GPRC5C: variants seen among roughly 807,000 people sequenced by gnomAD.
GPRC5C encodes the protein G protein-coupled receptor class C group 5 member C.
A neutral mutation model predicts 31.4 loss-of-function variants in GPRC5C; 22 were observed. That is an observed-to-expected ratio of 0.70 (90% confidence interval 0.50 to 1.00). The LOEUF (loss-of-function observed/expected upper bound fraction) is 1.00, where lower values mean the gene tolerates loss of function less well. GPRC5C is among the 50% of genes least tolerant of loss of function. GPRC5C has a pLI of 0.00. For synonymous variants in GPRC5C, 249 were observed against 257.5 expected (o/e 0.97, Z 0.32); for missense variants, 557 against 597.2 (o/e 0.93, Z 0.70).
At chr17:74,436,264 A>C (rs554692549) in intron 1 of GPRC5C, among the ~76,000 whole-genome samples, 3 of 152,012 alleles carry the variant, frequency 2.0e-5, no homozygotes, top group Non-Finnish European at 4.4e-5. Flanking sequence ...GATTCACACC[A>C]TCTTTTCTGC....
Position 74,446,906 on chromosome 17 carries a change from G to A in GPRC5C, c.1204G>A (p.Gly402Ser), listed in dbSNP as rs767174834. The A allele has an allele frequency of 1.2e-6, 2 of 1,614,008 alleles. No homozygotes were observed. The highest frequency in any genetic ancestry group is 2.2e-5 in the South Asian group (2 of 91,076). Residue 402 changes from glycine (G) to serine (S), a missense_variant, in exon 4 of 4, where the codon GGC becomes AGC. Transcript: ENST00000392627. The stretch of plus-strand genomic sequence containing the variant: ...GGCCACCGCCAACAGCCAGGTGATG[G>A]GCAGTGCCAACTCGACCCTGCGGGC... ...PRATANSQVM[G>S]SANSTLRAED...
rs372206048 is a variant in GPRC5C at position 74,440,158 on chromosome 17, G to A, written c.382G>A (p.Ala128Thr). The change falls in exon 2 of 4, where the codon GCC becomes ACC. Residue 128 changes from alanine (A) to threonine (T), a missense_variant. By Grantham distance (58) the Ala-to-Thr change is moderately conservative. Coordinates refer to ENST00000392627, the MANE Select transcript of GPRC5C (RefSeq NM_022036.4). The surrounding 1 kb of genome is among the most constrained non-coding windows in gnomAD (Gnocchi z 4.4). ...SRRFLFGVLF[A>T]ICFSCLAAHV... ...GCGCTTCCTCTTTGGGGTTCTGTTC[G>A]CCATCTGCTTCTCTTGTCTGGCGGC... is the stretch of plus-strand genomic sequence containing the variant. 4 of 1,614,130 alleles carry A rather than the reference G, an allele frequency of 2.5e-6. No individual in the cohort carries two copies. Among genetic ancestry groups the A allele is most frequent in the East Asian group, 2.2e-5 (1 of 44,874 alleles).
At chr17:74,448,373 T>G (rs1035542263), downstream of GPRC5C, among the ~76,000 whole-genome samples, 1 of 152,172 alleles carries the variant, frequency 6.6e-6, no homozygotes, top group African/African-American at 2.4e-5. Context: ...TTTTTTAATT[T>G]AATTTAATTT....
chr17:74,432,120 T>C lies in GPRC5C; in HGVS notation c.-54T>C. 6.2e-7 allele frequency: 1 copy of C among 1,613,210 alleles called. No individual in the cohort carries two copies. Among genetic ancestry groups the C allele is most frequent in the Non-Finnish European group, 8.5e-7 (1 of 1,179,770 alleles). ...CCCATCTCCCTCACCAGCCGGAAAGTACGAGTCGGCTCAGCCTGGAGGTGA... is the reference window on the plus strand; with the variant it reads ...CCCATCTCCCTCACCAGCCGGAAAGCACGAGTCGGCTCAGCCTGGAGGTGA... On this transcript the variant is annotated 5_prime_UTR_variant, in exon 1 of 4. Coordinates refer to ENST00000392627, the MANE Select transcript of GPRC5C (RefSeq NM_022036.4).
intron 2 of GPRC5C, among the ~76,000 whole-genome samples, chr17:74,442,856 A>G (rs1468982784): frequency 6.6e-6 from 1 of 152,080 alleles, no homozygotes; most frequent in East Asian, 1.9e-4. Flanking sequence ...GGCAAAACCC[A>G]CCAGAGAGGT....
intron 1 of GPRC5C, among the ~76,000 whole-genome samples, chr17:74,433,131 C>G (rs1598425154): frequency 6.6e-6 from 1 of 152,092 alleles, no homozygotes; most frequent in East Asian, 1.9e-4. Flanking sequence ...GTGTTACACG[C>G]TGGAAGACCC....
At chr17:74,443,436 G>A in intron 2 of GPRC5C, 1 of 377,330 alleles carries the variant, frequency 2.7e-6, no homozygotes, top group Non-Finnish European at 5.2e-6. Flanking sequence ...CAGAGCTGGA[G>A]GCTGGCCATC....
chr17:74,438,205 T>TTATATA (rs2055464018), intron 1 of GPRC5C, among the ~76,000 whole-genome samples: 1 of 48,284 alleles, frequency 2.1e-5, no homozygotes, highest in African/African-American at 8.5e-5. Context: ...CTCTGCTAAT[T>TTATATA]CATATATATA....
rs760690962 is a variant in GPRC5C, at chr17:74,439,992, G to A, written c.216G>A (p.Val72=). 10 of 1,609,884 alleles carry A rather than the reference G, an allele frequency of 6.2e-6. No individual in the cohort carries two copies. In the South Asian group the frequency reaches 1.1e-4, roughly 18 times the overall value. The part of the protein sequence containing the change: ...VTTFVLTIIL[V]ASLPFVQDTK... ...CGTTTGTGCTCACCATCATCCTGGT[G>A]GCCAGCCTCCCCTTTGTGCAGGACA... The change falls in exon 2 of 4, where the codon GTG becomes GTA. Residue 72 remains valine (V), a synonymous_variant. Coordinates refer to ENST00000392627, the MANE Select transcript of GPRC5C (RefSeq NM_022036.4).
intron 1 of GPRC5C, among the ~76,000 whole-genome samples, chr17:74,435,317 C>T (rs2055417642): frequency 6.6e-6 from 1 of 152,236 alleles, no homozygotes; most frequent in East Asian, 1.9e-4. Flanking sequence ...CTCTGAGGGT[C>T]CCTGTCCTAG....
At chr17:74,433,136 A>C (rs1331536374) in intron 1 of GPRC5C, among the ~76,000 whole-genome samples, 4 of 152,070 alleles carry the variant, frequency 2.6e-5, no homozygotes, top group African/African-American at 7.2e-5. Flanking sequence ...ACACGCTGGA[A>C]GACCCAATCA....
In GPRC5C at chr17:74,440,778, G is replaced by T; in HGVS notation, c.1002G>T (p.Gln334His). 1 of 1,550,308 alleles carries T rather than the reference G, an allele frequency of 6.5e-7. No homozygotes were observed. The highest frequency in any genetic ancestry group is 1.2e-5 in the South Asian group (1 of 82,528). ...CCATCCTGAAAGAGCAGAAGGGTCA[G>T]AGCATGTTCGTGGAGAACAAGGCCT... ...YETILKEQKG[Q>H]SMFVENKAFS... Residue 334 changes from glutamine (Q) to histidine (H), a missense_variant, in exon 2 of 4, where the codon CAG (glutamine) becomes CAT (histidine). Gln to His is a conservative substitution (Grantham distance 24). Transcript: ENST00000392627. The surrounding 1 kb of genome is among the most constrained non-coding windows in gnomAD (Gnocchi z 4.4).
At chr17:74,438,021 TTTTTCTTTTC>T (rs548867253) in intron 1 of GPRC5C, among the ~76,000 whole-genome samples, 21 of 151,662 alleles carry the variant, frequency 1.4e-4, no homozygotes, top group African/African-American at 4.4e-4. Context: ...TTAAATTTTC[TTTTTCTTTTC>T]TTTTCTTTTC....
chr17:74,434,482 A>G (rs1022810790), intron 1 of GPRC5C, among the ~76,000 whole-genome samples: 5 of 152,180 alleles, frequency 3.3e-5, no homozygotes, highest in Non-Finnish European at 7.3e-5. Context: ...AGACACGGAC[A>G]TGATTTGAAC....
Position 74,437,629 on chromosome 17 carries a change from A to ATTTTTTTTTTTTTTTTTTTTT in GPRC5C, c.-32-2101_-32-2100insTTTTTTTTTTTTTTTTTTTTT, listed in dbSNP as rs57390968. Among the ~76,000 whole-genome samples the ATTTTTTTTTTTTTTTTTTTTT allele has an allele frequency of 4.8e-4, 62 of 129,838 alleles. 1 individual carries two copies. The highest frequency in any genetic ancestry group is 1.9e-3 in the African/African-American group (54 of 28,320). 85.2% of individuals were successfully genotyped at this position (129,838 alleles called of 152,430 possible). ...CTTTCACATAACAATTATGGACAGAATTTTTTTTTTTTTTTGCTTCTGTGT... is the reference window on the plus strand; with the variant it reads ...CTTTCACATAACAATTATGGACAGAATTTTTTTTTTTTTTTTTTTTTTTTTTTTTTTTTTTTGCTTCTGTGT... On this transcript the variant is annotated intron_variant, in intron 1 of 3. Coordinates refer to ENST00000392627, the MANE Select transcript of GPRC5C (RefSeq NM_022036.4).
intron 1 of GPRC5C, among the ~76,000 whole-genome samples, chr17:74,438,222 T>TATATAC (rs1326262276): frequency 9.2e-6 from 1 of 109,114 alleles, no homozygotes; most frequent in African/African-American, 5.4e-5. Flanking sequence ...TATATATATA[T>TATATAC]ATATATATAT....
At chr17:74,443,938 G>A (rs1432609745) in intron 3 of GPRC5C, 26 bp downstream of exon 3, 8 of 1,471,890 alleles carry the variant, frequency 5.4e-6, no homozygotes, top group African/African-American at 1.4e-5. Flanking sequence ...AGGTCCCCGT[G>A]ACACGTCTGG....
intron 1 of GPRC5C, among the ~76,000 whole-genome samples, chr17:74,438,211 A>ATC (rs1343520586): frequency 1.1e-3 from 17 of 16,052 alleles, no homozygotes; most frequent in African/African-American, 2.3e-3. Flanking sequence ...TAATTCATAT[A>ATC]TATATATATA....
At chr17:74,447,778 G>A (rs2055664971), downstream of GPRC5C, among the ~76,000 whole-genome samples, 1 of 151,994 alleles carries the variant, frequency 6.6e-6, no homozygotes, top group Non-Finnish European at 1.5e-5. Context: ...CTTGAGCCAG[G>A]TGGCTCTGTG....
Sources: gnomAD v4.1 joint callset for allele counts (sites outside exome capture counted in the v4.1 genomes callset) on GRCh38, gnomAD v4.1.1 for gene constraint, Gnocchi (gnomAD v3.1) non-coding constraint, MANE v1.5 for transcripts, NCBI Gene and HGNC (gene_info 2026-07-23, HGNC 2026-07-21) for gene names.